The following PDE4B variants were observed in gnomAD, a reference collection of about 807,000 sequenced individuals.
PDE4B encodes the protein 3',5'-cyclic-AMP phosphodiesterase 4B.
Under a neutral mutation model 82.2 loss-of-function variants are expected in PDE4B, and 20 were observed. The ratio of observed to expected loss-of-function variants is 0.24; its 90% CI spans 0.17 to 0.35. PDE4B has a LOEUF of 0.35. PDE4B is among the 10% of genes least tolerant of loss of function. The pLI is 1.00. For synonymous variants in PDE4B, 320 were observed against 318.9 expected (o/e 1.00, Z -0.04); for missense variants, 655 against 907.2 (o/e 0.72, Z 3.57).
intron 7 of PDE4B, among the ~76,000 whole-genome samples, chr1:66,286,218 G>T (rs522037): frequency 6.6e-5 from 10 of 152,074 alleles, no homozygotes; most frequent in Admixed American, 6.5e-4. Flanking sequence ...GCCTACTCAG[G>T]GTTATAAACT....
At chr1:66,260,705 AT>A (rs1654617087) in intron 6 of PDE4B, among the ~76,000 whole-genome samples, 1 of 152,292 alleles carries the variant, frequency 6.6e-6, no homozygotes, top group Non-Finnish European at 1.5e-5. Context: ...AACCCTGCTG[AT>A]TAATAAGCTG....
rs182901636 is a variant in PDE4B, at chr1:66,351,057, C to T, written c.748-4470C>T. Among the ~76,000 whole-genome samples the T allele has an allele frequency of 2.7e-3, 404 of 152,284 alleles. 6 individuals are homozygous for T. Among genetic ancestry groups the T allele is most frequent in the Non-Finnish European group, 4.5e-3 (308 of 68,020 alleles). On this transcript the variant is annotated intron_variant, in intron 8 of 16. Transcript: ENST00000341517. ...ACATATCTAGAAAATATACCTTCTTCCCTTTTCAAAAAATAGAAGCAATTT... is the reference window on the plus strand; with the variant it reads ...ACATATCTAGAAAATATACCTTCTTTCCTTTTCAAAAAATAGAAGCAATTT...
intron 7 of PDE4B, among the ~76,000 whole-genome samples, chr1:66,316,076 CAGTCAGAGTGTA>C (rs1422810834): frequency 1.3e-5 from 2 of 152,190 alleles, no homozygotes; most frequent in Non-Finnish European, 2.9e-5. Context: ...ATTTGAAATC[CAGTCAGAGTGTA>C]GCAGTAATTC....
At chr1:65,872,283 A>G (rs968255775) in intron 1 of PDE4B, among the ~76,000 whole-genome samples, 6 of 152,216 alleles carry the variant, frequency 3.9e-5, no homozygotes, top group Non-Finnish European at 8.8e-5. Flanking sequence ...TGATAAAATT[A>G]CATGTGCAAT....
intron 3 of PDE4B, among the ~76,000 whole-genome samples, chr1:66,022,237 A>C (rs1653169271): frequency 6.6e-6 from 1 of 152,172 alleles, no homozygotes; most frequent in South Asian, 2.1e-4. Context: ...CTAAATATAC[A>C]ATCATGTCAT....
intron 9 of PDE4B, among the ~76,000 whole-genome samples, chr1:66,358,438 G>A (rs1199419856): frequency 6.6e-6 from 1 of 152,182 alleles, no homozygotes; most frequent in Admixed American, 6.5e-5. Flanking sequence ...ACGTTCAGAG[G>A]CCGAGATGGG....
chr1:65,971,392 A>G (rs1212470135), intron 3 of PDE4B, among the ~76,000 whole-genome samples: 1 of 152,168 alleles, frequency 6.6e-6, no homozygotes, highest in Non-Finnish European at 1.5e-5. Flanking sequence ...AAGACATGTT[A>G]ATAGCAGCGA....
chr1:66,016,016 G>A (rs1034595945), intron 3 of PDE4B, among the ~76,000 whole-genome samples: 11 of 152,126 alleles, frequency 7.2e-5, no homozygotes, highest in South Asian at 2.1e-4. Context: ...TTAGGAGCTC[G>A]TAGTGTGCAT....
At chr1:65,813,961 T>C (rs1000791016) in intron 1 of PDE4B, among the ~76,000 whole-genome samples, 3 of 151,326 alleles carry the variant, frequency 2.0e-5, no homozygotes, top group African/African-American at 7.3e-5. Flanking sequence ...TTCAGTGTTA[T>C]GCTGATAATA....
chr1:65,941,123 A>G (rs910109429), intron 3 of PDE4B, among the ~76,000 whole-genome samples: 6 of 151,992 alleles, frequency 3.9e-5, no homozygotes, highest in East Asian at 1.9e-4. Flanking sequence ...TTCACTCCCA[A>G]TGCTACCTCT....
At chr1:65,950,663 A>G (rs953603896) in intron 3 of PDE4B, among the ~76,000 whole-genome samples, 2 of 152,088 alleles carry the variant, frequency 1.3e-5, no homozygotes, top group Non-Finnish European at 2.9e-5. Context: ...TGTGTATCCC[A>G]TGCCAGGAGG....
chr1:66,226,479 C>T (rs563264551), intron 3 of PDE4B, among the ~76,000 whole-genome samples: 2 of 152,196 alleles, frequency 1.3e-5, no homozygotes, highest in Non-Finnish European at 2.9e-5. Flanking sequence ...ATTGACTAGA[C>T]CAGAAAACCC....
chr1:66,081,824 C>G (rs113501542), intron 3 of PDE4B, among the ~76,000 whole-genome samples: 1,276 of 111,908 alleles, frequency 0.011, 13 homozygotes, highest in Non-Finnish European at 1.0e-2. Flanking sequence ...CTCTCTCTCT[C>G]TCTCTCTCTG....
intron 8 of PDE4B, among the ~76,000 whole-genome samples, chr1:66,335,018 A>G (rs982757125): frequency 6.6e-6 from 1 of 152,266 alleles, no homozygotes; most frequent in East Asian, 1.9e-4. Context: ...TTCCATATTC[A>G]GTTTTCAATG....
chr1:66,146,739 G>A (rs1364873071), intron 3 of PDE4B, among the ~76,000 whole-genome samples: 1 of 152,132 alleles, frequency 6.6e-6, no homozygotes, highest in Non-Finnish European at 1.5e-5. Flanking sequence ...AAGACTCAAA[G>A]TTAAATATTA....
At chr1:65,838,649 A>ATG (rs1191946294) in intron 1 of PDE4B, among the ~76,000 whole-genome samples, 2 of 149,752 alleles carry the variant, frequency 1.3e-5, no homozygotes, top group African/African-American at 4.9e-5. Flanking sequence ...ACATATACAT[A>ATG]TATATATGTT....
chr1:65,938,291 C>T (rs1024576822), intron 3 of PDE4B, among the ~76,000 whole-genome samples: 2 of 152,148 alleles, frequency 1.3e-5, no homozygotes, highest in South Asian at 4.1e-4. Flanking sequence ...TCAACACCAC[C>T]CCCATCTTGA....
chr1:66,105,561 C>T (rs1018167852), intron 3 of PDE4B, among the ~76,000 whole-genome samples: 2 of 152,172 alleles, frequency 1.3e-5, no homozygotes, highest in Admixed American at 1.3e-4. Context: ...GCTGATTCTT[C>T]CTACCCATGA....
chr1:66,305,654 A>T (rs1658221277), intron 7 of PDE4B, among the ~76,000 whole-genome samples: 1 of 152,086 alleles, frequency 6.6e-6, no homozygotes. Flanking sequence ...ATCTAAGCAG[A>T]AGCAATTTAA....
Sources: allele counts gnomAD v4.1 joint callset (sites outside exome capture counted in the v4.1 genomes callset), GRCh38; gene constraint gnomAD v4.1.1; transcripts MANE v1.5; gene names NCBI Gene and HGNC (gene_info 2026-07-23, HGNC 2026-07-21).